The following AOPEP variants were observed in gnomAD, a reference collection of about 807,000 sequenced individuals.
AOPEP encodes the protein aminopeptidase O.
A neutral mutation model predicts 98.1 loss-of-function variants in AOPEP; 77 were observed. The observed-to-expected ratio is 0.78, with a 90% CI of 0.65 to 0.95. The LOEUF (loss-of-function observed/expected upper bound fraction) is 0.95, where lower values mean the gene tolerates loss of function less well. Among genes scored for constraint, AOPEP ranks in the 40% least tolerant of loss-of-function variants. The pLI is 0.00. For missense variants in AOPEP, 1,024 were observed against 1,024.7 expected (o/e 1.00, Z 0.01); for synonymous variants, 346 against 365.3 (o/e 0.95, Z 0.60).
At chr9:95,107,426 A>G in the AOPEP span, 2 of 760,768 alleles carry the variant, frequency 2.6e-6, no homozygotes, top group Admixed American at 2.1e-5. Context: ...ACTCGATTTC[A>G]CACAAACCCA....
At chr9:94,906,511 T>C (rs2051176601) in intron 5 of AOPEP, among the ~76,000 whole-genome samples, 1 of 133,710 alleles carries the variant, frequency 7.5e-6, no homozygotes, top group African/African-American at 2.6e-5. Flanking sequence ...TCTATAAATA[T>C]AGATTTTAAT....
At chr9:95,061,947 T>C (rs552698622) in intron 14 of AOPEP, among the ~76,000 whole-genome samples, 1 of 152,232 alleles carries the variant, frequency 6.6e-6, no homozygotes, top group African/African-American at 2.4e-5. Context: ...TAAAAGACTT[T>C]GCTATATATA....
the AOPEP span, among the ~76,000 whole-genome samples, chr9:95,106,662 T>C: frequency 6.6e-6 from 1 of 152,224 alleles, no homozygotes; most frequent in Admixed American, 6.5e-5. Context: ...ACAGAATTCT[T>C]TGCACTGTTG....
At chr9:94,882,303 T>C (rs2047679878) in intron 5 of AOPEP, among the ~76,000 whole-genome samples, 1 of 152,210 alleles carries the variant, frequency 6.6e-6, no homozygotes, top group South Asian at 2.1e-4. Flanking sequence ...TCTTAGTCTG[T>C]TGTTTAAAAT....
chr9:95,012,014 C>T (rs1467540056), intron 13 of AOPEP, among the ~76,000 whole-genome samples: 1 of 152,158 alleles, frequency 6.6e-6, no homozygotes, highest in Non-Finnish European at 1.5e-5. Context: ...TCCCATGTGT[C>T]AAGCACTGTT....
At chr9:94,733,295 A>G (rs920644332) in intron 1 of AOPEP, among the ~76,000 whole-genome samples, 3 of 151,906 alleles carry the variant, frequency 2.0e-5, no homozygotes, top group Admixed American at 6.6e-5. Flanking sequence ...TTCTTTAGAG[A>G]TGACATTTTG....
intron 16 of AOPEP, chr9:95,085,302 G>C (rs1359504698): frequency 2.1e-6 from 1 of 482,920 alleles, no homozygotes; most frequent in East Asian, 6.3e-5. Context: ...CCACGACCTT[G>C]GCTGCTCCTC....
intron 13 of AOPEP, among the ~76,000 whole-genome samples, chr9:95,031,155 G>A (rs559545719): frequency 1.4e-4 from 22 of 152,290 alleles, no homozygotes; most frequent in African/African-American, 4.6e-4. Flanking sequence ...CATGACATGA[G>A]CTCTGGTGGT....
the AOPEP span, among the ~76,000 whole-genome samples, chr9:95,098,805 G>C: frequency 2.6e-5 from 4 of 152,332 alleles, no homozygotes; most frequent in East Asian, 7.7e-4. Flanking sequence ...ACACAGATAT[G>C]AAACGCATGT....
At chr9:95,119,348 CCTT>C in the AOPEP span, among the ~76,000 whole-genome samples, 1 of 143,766 alleles carries the variant, frequency 7.0e-6, no homozygotes, top group East Asian at 2.1e-4. Flanking sequence ...TTTTTCAGTT[CCTT>C]CTTTCTTCCT....
At chr9:94,847,152 A>ACACACACACACACACACT (rs1448564968) in intron 5 of AOPEP, among the ~76,000 whole-genome samples, 26,389 of 140,080 alleles carry the variant, frequency 0.19, 2,925 homozygotes, top group Non-Finnish European at 0.25. Context: ...ACACACACAC[A>ACACACACACACACACACT]CTCTCTCTGT....
chr9:94,816,856 C>T (rs964821600), intron 5 of AOPEP, among the ~76,000 whole-genome samples: 4 of 152,162 alleles, frequency 2.6e-5, no homozygotes, highest in African/African-American at 9.7e-5. Flanking sequence ...GGCAGCAGTT[C>T]CTGCAACGGT....
the AOPEP span, chr9:95,114,339 A>G: frequency 4.7e-6 from 2 of 423,202 alleles, no homozygotes; most frequent in African/African-American, 2.0e-5. Flanking sequence ...TCTTCTTTTT[A>G]TTGTTATGCC....
At chr9:95,135,687 T>C in the AOPEP span, 1 of 605,824 alleles carries the variant, frequency 1.7e-6, no homozygotes, top group Non-Finnish European at 2.9e-6. Flanking sequence ...ATAATGTGAA[T>C]ATGCTTCCAC....
At chr9:94,814,975 T>C (rs1056459545) in intron 5 of AOPEP, among the ~76,000 whole-genome samples, 2 of 152,146 alleles carry the variant, frequency 1.3e-5, no homozygotes, top group African/African-American at 4.8e-5. Flanking sequence ...CTTGCTTGGC[T>C]TTTGGTTTGA....
At chr9:95,071,650 G>A (rs894130498) in intron 14 of AOPEP, among the ~76,000 whole-genome samples, 1 of 152,072 alleles carries the variant, frequency 6.6e-6, no homozygotes, top group African/African-American at 2.4e-5. Flanking sequence ...TGGTGGCACC[G>A]CAGCTCTTGG....
intron 3 of AOPEP, among the ~76,000 whole-genome samples, chr9:94,791,270 A>ATT (rs1178347268): frequency 6.6e-6 from 1 of 152,172 alleles, no homozygotes; most frequent in African/African-American, 2.4e-5. Context: ...GTTCTTACTT[A>ATT]TAAGTGGGAG....
At chr9:95,079,972 G>T (rs1327225548) in intron 14 of AOPEP, among the ~76,000 whole-genome samples, 1 of 152,144 alleles carries the variant, frequency 6.6e-6, no homozygotes, top group African/African-American at 2.4e-5. Context: ...TACTGTGTTT[G>T]TTACAAATCA....
intron 5 of AOPEP, among the ~76,000 whole-genome samples, 164 bp from the exon 6 acceptor site, chr9:94,923,822 A>G (rs1440931270): frequency 6.6e-6 from 1 of 152,086 alleles, no homozygotes; most frequent in Non-Finnish European, 1.5e-5. Flanking sequence ...ATAAACTGCC[A>G]CTTTATTTAT....
Sources: allele counts gnomAD v4.1 joint callset (sites outside exome capture counted in the v4.1 genomes callset), GRCh38; gene constraint gnomAD v4.1.1; transcripts MANE v1.5; gene names NCBI Gene and HGNC (gene_info 2026-07-23, HGNC 2026-07-21).